The following ASTN1 variants were observed in gnomAD, a reference collection of about 807,000 sequenced individuals.
The protein encoded by ASTN1 is astrotactin 1, also known as astrotactin-1.
ASTN1 carries 41 observed loss-of-function variants against 140.7 expected under a neutral mutation model. The observed-to-expected ratio is 0.29, with a 90% CI of 0.23 to 0.38. The LOEUF is 0.38. Ranked by LOEUF, ASTN1 falls within the 10% of genes least tolerant of loss-of-function variation. The pLI is 1.00. For missense variants in ASTN1, 1,479 were observed against 1,678.8 expected, an observed-to-expected ratio of 0.88 and a Z score of 2.08; for synonymous variants, 640 against 652.2, an observed-to-expected ratio of 0.98 and a Z score of 0.29.
At chr1:177,037,240 G>C (rs1676762614) in intron 2 of ASTN1, among the ~76,000 whole-genome samples, 1 of 152,180 alleles carries the variant, frequency 6.6e-6, no homozygotes, top group Non-Finnish European at 1.5e-5. Context: ...GGGGCAGATG[G>C]AATGGAAAGA....
At chr1:177,029,826 T>G in intron 4 of ASTN1, 85 bp from the exon 5 acceptor site, 1 of 1,292,880 alleles carries the variant, frequency 7.7e-7, no homozygotes, top group Non-Finnish European at 1.1e-6. Flanking sequence ...AATGGGAAAA[T>G]CAACAAAAAT....
chr1:177,071,425 C>G (rs1033526098), intron 1 of ASTN1, among the ~76,000 whole-genome samples: 1 of 152,192 alleles, frequency 6.6e-6, no homozygotes, highest in Admixed American at 6.5e-5. Flanking sequence ...ATGCTTTTAT[C>G]AGTAGTAAAC....
intron 7 of ASTN1, among the ~76,000 whole-genome samples, chr1:177,015,217 CA>C (rs1675489490): frequency 6.6e-6 from 1 of 152,126 alleles, no homozygotes; most frequent in East Asian, 1.9e-4. Flanking sequence ...CAGTATACTA[CA>C]AGGCACACAG....
chr1:176,881,626 C>T (rs538788416), intron 20 of ASTN1, among the ~76,000 whole-genome samples: 20 of 152,266 alleles, frequency 1.3e-4, no homozygotes, highest in African/African-American at 4.3e-4. Flanking sequence ...AAAGAGCCAA[C>T]GAGAATCATG....
intron 1 of ASTN1, among the ~76,000 whole-genome samples, chr1:177,148,820 A>T (rs1165357049): frequency 6.6e-5 from 10 of 151,872 alleles, no homozygotes; most frequent in African/African-American, 2.4e-4. Flanking sequence ...ATCAATGGTG[A>T]CCTCAGTGCA....
intron 2 of ASTN1, among the ~76,000 whole-genome samples, chr1:177,050,910 T>C (rs1033897448): frequency 6.6e-6 from 1 of 152,180 alleles, no homozygotes; most frequent in African/African-American, 2.4e-5. Flanking sequence ...CACACATTTC[T>C]ACTGTGTACT....
chr1:176,863,985 T>C lies in ASTN1; in HGVS notation c.*299A>G, dbSNP rs1668048271. 5 of 1,153,162 alleles carry C rather than the reference T, an allele frequency of 4.3e-6. No homozygotes were observed. The highest frequency in any genetic ancestry group is 3.8e-4 in the Middle Eastern group (1 of 2,612). 71.4% of individuals were successfully genotyped at this position (1,153,162 alleles called of 1,614,324 possible). A position where few individuals can be genotyped will look rare whatever the true frequency, so the allele number is the denominator to read the frequency against. Reference sequence around the variant, plus strand: ...AGAGCTCTTGAGCATTTTGGTAAACTTCTCAGGGAAAAAAAAATGAATGGA... The same window carrying C: ...AGAGCTCTTGAGCATTTTGGTAAACCTCTCAGGGAAAAAAAAATGAATGGA... On this transcript the variant is annotated 3_prime_UTR_variant, in exon 23 of 23. Coordinates refer to ENST00000361833, the MANE Select transcript of ASTN1 (RefSeq NM_004319.3).
intron 8 of ASTN1, among the ~76,000 whole-genome samples, chr1:176,984,225 G>A (rs1673775544): frequency 6.6e-6 from 1 of 152,226 alleles, no homozygotes; most frequent in African/African-American, 2.4e-5. Context: ...ACAAAACGCT[G>A]AGGTTCAGTA....
intron 1 of ASTN1, among the ~76,000 whole-genome samples, chr1:177,118,828 G>A (rs1245920091): frequency 6.6e-6 from 1 of 152,186 alleles, no homozygotes; most frequent in East Asian, 1.9e-4. Flanking sequence ...ACCAAAAGTG[G>A]TAATGCTGTA....
At chr1:176,958,304 C>T (rs1445117323) in intron 10 of ASTN1, 41 bp downstream of exon 10, 5 of 1,612,168 alleles carry the variant, frequency 3.1e-6, no homozygotes, top group Non-Finnish European at 4.2e-6. Flanking sequence ...CATTCTGCTT[C>T]CCAAGCCAAT....
chr1:176,942,530 G>A (rs1200696953), intron 14 of ASTN1, among the ~76,000 whole-genome samples: 1 of 151,900 alleles, frequency 6.6e-6, no homozygotes, highest in Non-Finnish European at 1.5e-5. Flanking sequence ...AGGTGTGAAA[G>A]GAAAATATCT....
rs527308049 is a variant in ASTN1 at position 177,122,857 on chromosome 1, G to A, written c.283+41537C>T. The stretch of plus-strand genomic sequence containing the variant: ...ACTTGCAATAAATTATGGAAAGGCT[G>A]ACAGAGAAGAGCCCTTGAGATAGTA... On this transcript the variant is annotated intron_variant, in intron 1 of 22. Coordinates refer to ENST00000361833, the MANE Select transcript of ASTN1 (RefSeq NM_004319.3). Among the ~76,000 whole-genome samples the A allele has an allele frequency of 2.4e-4, 37 of 152,308 alleles. 2 individuals carry two copies. The South Asian group carries it at 6.0e-3, about 25-fold the overall frequency.
At chr1:176,890,309 G>A (rs550052191) in intron 17 of ASTN1, among the ~76,000 whole-genome samples, 2 of 152,310 alleles carry the variant, frequency 1.3e-5, no homozygotes, top group South Asian at 4.1e-4. Context: ...GCCTCTATGA[G>A]GATGCAACTT....
Position 176,863,206 on chromosome 1 carries a change from C to A in ASTN1, c.*1078G>T. On this transcript the variant is annotated 3_prime_UTR_variant, in exon 23 of 23. Coordinates refer to ENST00000361833, the MANE Select transcript of ASTN1 (RefSeq NM_004319.3). ...CTCCTGCTTATGGTCATCAGAGAAACGATTTGCAAAACTAGCAACACAAGC... is the reference window on the plus strand; with the variant it reads ...CTCCTGCTTATGGTCATCAGAGAAAAGATTTGCAAAACTAGCAACACAAGC... 2 of 985,882 alleles carry A rather than the reference C, an allele frequency of 2.0e-6. No homozygotes were observed. Among genetic ancestry groups the A allele is most frequent in the Non-Finnish European group, 2.4e-6 (2 of 829,934 alleles). The allele number at this position is 985,882 out of a possible 1,614,324, so 61.1% of individuals were successfully genotyped here. A position where few individuals can be genotyped will look rare whatever the true frequency, so the allele number is the denominator to read the frequency against.
At chr1:177,100,272 A>G (rs998184344) in intron 1 of ASTN1, among the ~76,000 whole-genome samples, 1 of 152,128 alleles carries the variant, frequency 6.6e-6, no homozygotes, top group African/African-American at 2.4e-5. Flanking sequence ...TTAAGCTAGA[A>G]TGTCTATTAT....
At chr1:176,860,952 A>G (rs1216742624), downstream of ASTN1, 2 of 408,520 alleles carry the variant, frequency 4.9e-6, no homozygotes, top group East Asian at 1.6e-4. Context: ...AATGATGACT[A>G]TAAGGCCCAT....
At chr1:176,957,975 T>G (rs551831192) in intron 10 of ASTN1, 147 bp from the exon 11 acceptor site, 1 of 1,105,798 alleles carries the variant, frequency 9.0e-7, no homozygotes, top group South Asian at 1.7e-5. Context: ...ACTCCAAGCC[T>G]TGAACTAACA....
intron 1 of ASTN1, among the ~76,000 whole-genome samples, chr1:177,075,717 G>A (rs972212115): frequency 7.0e-6 from 1 of 141,974 alleles, no homozygotes; most frequent in Non-Finnish European, 1.5e-5. Context: ...TGCATTCATA[G>A]CTCATTGCAG....
chr1:176,934,405 G>A, intron 15 of ASTN1, 65 bp from the exon 16 acceptor site: 10 of 1,468,290 alleles, frequency 6.8e-6, no homozygotes, highest in Non-Finnish European at 9.2e-6. Context: ...GGATTCCCAG[G>A]CAATTCAGTC....
Sources: allele counts gnomAD v4.1 joint callset (sites outside exome capture counted in the v4.1 genomes callset), GRCh38; gene constraint gnomAD v4.1.1; transcripts MANE v1.5; gene names NCBI Gene and HGNC (gene_info 2026-07-23, HGNC 2026-07-21).